Variants in ARHGAP31 observed in about 807,000 individuals in gnomAD.
ARHGAP31 encodes rho GTPase-activating protein 31.
In ARHGAP31, 34 loss-of-function variants were observed where a neutral mutation model predicts 113.9. That is an observed-to-expected ratio of 0.30 (90% CI 0.23 to 0.40). ARHGAP31 has a LOEUF of 0.40. Ranked by LOEUF, ARHGAP31 falls within the 10% of genes least tolerant of loss-of-function variation. The probability of loss-of-function intolerance (pLI) is 1.00; values close to 1 mark genes in which losing one functional copy is unlikely to be tolerated. For missense variants in ARHGAP31, 1,548 were observed against 1,767.1 expected, an observed-to-expected ratio of 0.88 and a Z score of 2.22; for synonymous variants, 650 against 684.8, an observed-to-expected ratio of 0.95 and a Z score of 0.79.
At chr3:119,323,881 A>G (rs965425486) in intron 1 of ARHGAP31, among the ~76,000 whole-genome samples, 2 of 152,214 alleles carry the variant, frequency 1.3e-5, no homozygotes, top group Non-Finnish European at 2.9e-5. Context: ...CTGGTTCACA[A>G]TCAGGCTGTT....
At chr3:119,387,951 A>T (rs2080467196) in intron 6 of ARHGAP31, among the ~76,000 whole-genome samples, 1 of 152,212 alleles carries the variant, frequency 6.6e-6, no homozygotes, top group South Asian at 2.1e-4. Flanking sequence ...TAGAGAAGTG[A>T]TCTTTGAAGT....
At chr3:119,340,755 T>C (rs1000562984) in intron 1 of ARHGAP31, among the ~76,000 whole-genome samples, 3 of 152,186 alleles carry the variant, frequency 2.0e-5, no homozygotes, top group African/African-American at 7.2e-5. Flanking sequence ...CCAGGAAAGA[T>C]TTAAGTGAGT....
chr3:119,412,948 G>T (rs2080729145), intron 11 of ARHGAP31, among the ~76,000 whole-genome samples: 1 of 151,452 alleles, frequency 6.6e-6, no homozygotes, highest in Admixed American at 6.6e-5. Context: ...AACCCAGGAG[G>T]TGGAGGCTGC....
intron 1 of ARHGAP31, among the ~76,000 whole-genome samples, chr3:119,354,149 A>G (rs990000867): frequency 1.3e-5 from 2 of 152,236 alleles, no homozygotes; most frequent in Non-Finnish European, 2.9e-5. Flanking sequence ...GCTCAGCAGG[A>G]TAGCAGAGCT....
intron 1 of ARHGAP31, among the ~76,000 whole-genome samples, chr3:119,338,733 C>G: frequency 6.6e-6 from 1 of 152,058 alleles, no homozygotes; most frequent in East Asian, 1.9e-4. Flanking sequence ...AAAGCAAAAT[C>G]AGAAAATACC....
intron 1 of ARHGAP31, among the ~76,000 whole-genome samples, chr3:119,358,989 A>T (rs1481477127): frequency 6.6e-6 from 1 of 151,964 alleles, no homozygotes; most frequent in Non-Finnish European, 1.5e-5. Context: ...ATGGTATTTT[A>T]ATTATATTTC....
At chr3:119,359,887 A>G (rs1441203313) in intron 1 of ARHGAP31, among the ~76,000 whole-genome samples, 2 of 151,630 alleles carry the variant, frequency 1.3e-5, no homozygotes, top group Non-Finnish European at 2.9e-5. Context: ...TCCCGTGTGC[A>G]TCGCAACAGA....
chr3:119,323,503 CTTTT>C (rs373335506), intron 1 of ARHGAP31, among the ~76,000 whole-genome samples: 2 of 149,430 alleles, frequency 1.3e-5, no homozygotes, highest in South Asian at 4.2e-4. Flanking sequence ...TTTTCTTCTT[CTTTT>C]TTTTTTAACC....
chr3:119,368,228 G>C, intron 2 of ARHGAP31, 144 bp from the exon 3 acceptor site: 1 of 1,049,268 alleles, frequency 9.5e-7, no homozygotes, highest in Non-Finnish European at 1.4e-6. Flanking sequence ...CTAGGGCCTG[G>C]AGTAGAAGAT....
Position 119,385,792 on chromosome 3 carries a change from A to G in ARHGAP31, c.682+2566A>G, listed in dbSNP as rs144377621. 3.0e-4 allele frequency among the ~76,000 whole-genome samples: 45 copies of G among 152,362 alleles called. No individual in the cohort carries two copies. The East Asian group carries it at 8.3e-3, about 28-fold the overall frequency. Reference sequence around the variant, plus strand: ...GTAAGTAATTCGCTGCGTGTGGACTACTGAACCCAAATCTTTTAGCCCATG... The same window carrying G: ...GTAAGTAATTCGCTGCGTGTGGACTGCTGAACCCAAATCTTTTAGCCCATG... On this transcript the variant is annotated intron_variant, in intron 6 of 11. Coordinates refer to ENST00000264245, the MANE Select transcript of ARHGAP31 (RefSeq NM_020754.4).
chr3:119,320,401 T>C (rs1365704882), intron 1 of ARHGAP31, among the ~76,000 whole-genome samples: 1 of 152,180 alleles, frequency 6.6e-6, no homozygotes, highest in African/African-American at 2.4e-5. Context: ...ATAAGCATAC[T>C]CATCCTATTG....
Position 119,350,818 on chromosome 3 carries a change from AAAAAC to A in ARHGAP31, c.101-14489_101-14485del, listed in dbSNP as rs2080104546. On this transcript the variant is annotated intron_variant, in intron 1 of 11. Transcript: ENST00000264245. Reference sequence around the variant, plus strand: ...ACCATTAACAGTACAAATGAGAAACAAAAACAAAACAAACAAACAAAAAATTACCC... The same window carrying A: ...ACCATTAACAGTACAAATGAGAAACAAAAACAAACAAACAAAAAATTACCC... Among the ~76,000 whole-genome samples the A allele has an allele frequency of 2.0e-5, 3 of 152,218 alleles. No homozygotes were observed. In the South Asian group the frequency reaches 6.2e-4, roughly 31 times the overall value.
chr3:119,351,154 A>G (rs2080106786), intron 1 of ARHGAP31, among the ~76,000 whole-genome samples: 1 of 152,208 alleles, frequency 6.6e-6, no homozygotes, highest in African/African-American at 2.4e-5. Flanking sequence ...CCCAGCACCT[A>G]CTGCCTGGAA....
At chr3:119,355,637 C>T (rs2080148674) in intron 1 of ARHGAP31, among the ~76,000 whole-genome samples, 1 of 152,060 alleles carries the variant, frequency 6.6e-6, no homozygotes. Context: ...CCTCCCCTAT[C>T]CCCCCATCTC....
intron 6 of ARHGAP31, among the ~76,000 whole-genome samples, chr3:119,386,726 A>T (rs2080452481): frequency 6.6e-6 from 1 of 152,234 alleles, no homozygotes; most frequent in Non-Finnish European, 1.5e-5. Context: ...TATTGGATAC[A>T]AGGCAGAAGG....
In ARHGAP31 at chr3:119,357,368, C is replaced by T. The variant is rs147286503; in HGVS notation, c.101-7948C>T. 2.1e-3 allele frequency among the ~76,000 whole-genome samples: 315 copies of T among 152,238 alleles called. 2 individuals carry two copies. Among genetic ancestry groups the T allele is most frequent in the African/African-American group, 7.2e-3 (300 of 41,532 alleles). Reference sequence around the variant, plus strand: ...AAGGTGTGAAGGTGCAGAGCATATTCAGGAAGTGGCAGGCTGTCCAGCGTG... The same window carrying T: ...AAGGTGTGAAGGTGCAGAGCATATTTAGGAAGTGGCAGGCTGTCCAGCGTG... On this transcript the variant is annotated intron_variant, in intron 1 of 11. Coordinates refer to ENST00000264245, the MANE Select transcript of ARHGAP31 (RefSeq NM_020754.4).
chr3:119,354,670 C>A (rs1273001644), intron 1 of ARHGAP31, among the ~76,000 whole-genome samples: 1 of 148,440 alleles, frequency 6.7e-6, no homozygotes, highest in Non-Finnish European at 1.5e-5. Context: ...CGCCACCATG[C>A]CGGGCTAATT....
chr3:119,313,580 G>A (rs937765774), intron 1 of ARHGAP31, among the ~76,000 whole-genome samples: 1 of 152,176 alleles, frequency 6.6e-6, no homozygotes, highest in Non-Finnish European at 1.5e-5. Context: ...TCCAGTATTC[G>A]TGAGGGATTT....
intron 1 of ARHGAP31, among the ~76,000 whole-genome samples, chr3:119,353,860 C>G (rs895277466): frequency 1.3e-5 from 2 of 151,866 alleles, no homozygotes; most frequent in East Asian, 3.9e-4. Context: ...ATTACCCATT[C>G]CCTTCTTGGC....
Sources: gnomAD v4.1 joint callset for allele counts (sites outside exome capture counted in the v4.1 genomes callset) on GRCh38, gnomAD v4.1.1 for gene constraint, MANE v1.5 for transcripts, NCBI Gene and HGNC (gene_info 2026-07-23, HGNC 2026-07-21) for gene names.